Variants in MYO1D observed in about 807,000 individuals in gnomAD.
MYO1D encodes unconventional myosin-Id.
Under a neutral mutation model 122.0 loss-of-function variants are expected in MYO1D, and 83 were observed. That is an observed-to-expected ratio of 0.68 (90% CI 0.57 to 0.82). The LOEUF (loss-of-function observed/expected upper bound fraction) is 0.82. Ranked by LOEUF, MYO1D falls within the 40% of genes least tolerant of loss-of-function variation. The pLI, the probability that MYO1D is intolerant of heterozygous loss-of-function variation, is 0.00. For missense variants in MYO1D, 1,157 were observed against 1,269.5 expected, an observed-to-expected ratio of 0.91 and a Z score of 1.35; for synonymous variants, 464 against 446.9, an observed-to-expected ratio of 1.04 and a Z score of -0.48.
intron 19 of MYO1D, among the ~76,000 whole-genome samples, chr17:32,647,593 CTTGATACTAAAGTGTACTAGATA>C (rs1176174937): frequency 2.0e-5 from 3 of 151,952 alleles, no homozygotes; most frequent in African/African-American, 7.3e-5. Context: ...TTTCCAGCTG[CTTGATACTAAAGTGTACTAGATA>C]GTGAATATGA....
Position 32,778,525 on chromosome 17 carries a change from T to C in MYO1D, c.353A>G (p.Tyr118Cys), listed in dbSNP as rs1357206631. 2 of 1,614,184 alleles carry C rather than the reference T, an allele frequency of 1.2e-6. No homozygotes were observed. Among genetic ancestry groups the C allele is most frequent in the South Asian group, 2.2e-5 (2 of 91,084 alleles). Residue 118 changes from tyrosine (Y) to cysteine (C), a missense_variant, in exon 3 of 22, where the codon TAT (tyrosine) becomes TGT (cysteine). Tyr to Cys is a radical substitution (Grantham distance 194). Transcript: ENST00000318217. ...ACTGGGGTTGGTGATGGCCGCAATA[T>C]ACTGCATAATGTACTTACTGGCTTC... is the stretch of plus-strand genomic sequence containing the variant. ...KTEASKYIMQ[Y>C]IAAITNPSQR... is the part of the protein sequence containing the mutation.
chr17:32,660,566 T>G (rs1424477563), intron 16 of MYO1D, among the ~76,000 whole-genome samples: 1 of 152,218 alleles, frequency 6.6e-6, no homozygotes, highest in African/African-American at 2.4e-5. Flanking sequence ...CAGATTTGTT[T>G]GCACACTACG....
At chr17:32,762,412 C>T (rs577220828) in intron 8 of MYO1D, among the ~76,000 whole-genome samples, 18 of 152,148 alleles carry the variant, frequency 1.2e-4, no homozygotes, top group Non-Finnish European at 2.5e-4. Context: ...CAACACAGTC[C>T]ATTTCAAATC....
chr17:32,602,243 T>A (rs779918272), intron 21 of MYO1D, among the ~76,000 whole-genome samples: 5 of 152,226 alleles, frequency 3.3e-5, no homozygotes, highest in Non-Finnish European at 5.9e-5. Flanking sequence ...TATCTTTGTC[T>A]GTTCTGGGTT....
intron 20 of MYO1D, among the ~76,000 whole-genome samples, chr17:32,637,801 G>A (rs997970869): frequency 2.0e-5 from 3 of 152,114 alleles, no homozygotes; most frequent in Non-Finnish European, 4.4e-5. Flanking sequence ...AGTGAAGACG[G>A]ATCTCCACCC....
At position 32,639,361 on chromosome 17, in the gene MYO1D, TTTTGTGTGTGTGTGTGTGTGTG is replaced by T. The variant is rs1193207566; in HGVS notation, c.2596-548_2596-527del. Among the ~76,000 whole-genome samples the T allele has an allele frequency of 1.1e-4, 7 of 65,728 alleles. No homozygotes were observed. The South Asian group carries it at 2.6e-3, about 24-fold the overall frequency. 43.1% of individuals were successfully genotyped at this position (65,728 alleles called of 152,430 possible). On this transcript the variant is annotated intron_variant, in intron 19 of 21. Transcript: ENST00000318217. The stretch of plus-strand genomic sequence containing the variant: ...AACTAGATTATGAGATTGGGAGAAA[TTTTGTGTGTGTGTGTGTGTGTG>T]TGTGTGTGTGTGTGTGTGTGTGTGT...
intron 19 of MYO1D, among the ~76,000 whole-genome samples, chr17:32,646,452 T>A (rs894830769): frequency 4.0e-5 from 6 of 151,052 alleles, no homozygotes; most frequent in Admixed American, 6.6e-5. Flanking sequence ...TCTGTAAAAA[T>A]ATATATATAT....
intron 1 of MYO1D, among the ~76,000 whole-genome samples, chr17:32,800,265 A>G (rs2090449650): frequency 6.6e-6 from 1 of 152,234 alleles, no homozygotes; most frequent in Non-Finnish European, 1.5e-5. Flanking sequence ...TATTCACAAT[A>G]GCCAAGATAT....
intron 21 of MYO1D, among the ~76,000 whole-genome samples, chr17:32,581,485 T>TCCTC (rs1258001120): frequency 1.9e-4 from 29 of 151,804 alleles, no homozygotes; most frequent in African/African-American, 6.0e-4. Context: ...CTTCCTTCCT[T>TCCTC]CCTCCCTCCC....
intron 3 of MYO1D, among the ~76,000 whole-genome samples, chr17:32,776,493 C>A (rs1290598814): frequency 6.6e-6 from 1 of 152,158 alleles, no homozygotes; most frequent in Non-Finnish European, 1.5e-5. Flanking sequence ...TTTCAGGGAA[C>A]TTTTACATCT....
chr17:32,502,688 G>A (rs1034729246), intron 21 of MYO1D, among the ~76,000 whole-genome samples: 9 of 152,192 alleles, frequency 5.9e-5, no homozygotes, highest in African/African-American at 1.9e-4. Context: ...TTCTTGTGCT[G>A]ATCCTGGAGA....
At chr17:32,547,456 G>A (rs1008038832) in intron 21 of MYO1D, among the ~76,000 whole-genome samples, 30 of 152,190 alleles carry the variant, frequency 2.0e-4, no homozygotes, top group Admixed American at 4.6e-4. Flanking sequence ...TAAATGCCAC[G>A]CTTTTCCATA....
chr17:32,530,707 G>A (rs903724606), intron 21 of MYO1D, among the ~76,000 whole-genome samples: 1 of 152,068 alleles, frequency 6.6e-6, no homozygotes, highest in African/African-American at 2.4e-5. Flanking sequence ...AGGCTGAGGC[G>A]GGAGGATCTT....
intron 21 of MYO1D, chr17:32,505,458 G>A (rs1167715903): frequency 6.6e-6 from 1 of 152,190 alleles, no homozygotes; most frequent in Non-Finnish European, 1.5e-5. Context: ...AGTATGGGAG[G>A]AAGGTCAGGC....
At chr17:32,657,939 T>C (rs1433460575) in intron 17 of MYO1D, among the ~76,000 whole-genome samples, 1 of 152,206 alleles carries the variant, frequency 6.6e-6, no homozygotes, top group East Asian at 1.9e-4. Flanking sequence ...AAGACTTATT[T>C]TTGAGTAAAG....
At chr17:32,836,188 T>A (rs554782474) in intron 1 of MYO1D, among the ~76,000 whole-genome samples, 4 of 152,346 alleles carry the variant, frequency 2.6e-5, no homozygotes, top group African/African-American at 9.6e-5. Flanking sequence ...TATTTCTAGT[T>A]GACAGTAACT....
rs1203910132 is a variant in MYO1D at position 32,876,940 on chromosome 17, G to T, written c.-68C>A. On this transcript the variant is annotated 5_prime_UTR_variant, in exon 1 of 22. Transcript: ENST00000318217. Reference sequence around the variant, plus strand: ...GGGCCGCTCCGTGGGCCCGCGATGAGCTCGGGAGGGGCCGGGGCGAGGCCG... The same window carrying T: ...GGGCCGCTCCGTGGGCCCGCGATGATCTCGGGAGGGGCCGGGGCGAGGCCG... The T allele has an allele frequency of 3.1e-6, 3 of 981,460 alleles. No homozygotes were observed. In the African/African-American group the frequency reaches 5.2e-5, roughly 17 times the overall value. The allele number at this position is 981,460 out of a possible 1,614,324, so 60.8% of individuals were successfully genotyped here.
intron 21 of MYO1D, among the ~76,000 whole-genome samples, chr17:32,549,362 C>G (rs2086991098): frequency 8.0e-6 from 1 of 124,964 alleles, no homozygotes; most frequent in African/African-American, 2.6e-5. Context: ...TCCCAAAGTG[C>G]TGGGATTACA....
At chr17:32,785,956 A>G (rs8074168) in intron 1 of MYO1D, among the ~76,000 whole-genome samples, 82,252 of 152,000 alleles carry the variant, frequency 0.54, 23,280 homozygotes, top group East Asian at 0.72. Context: ...CATCGCCTAC[A>G]ATGAAACAAA....
Sources: allele counts gnomAD v4.1 joint callset (sites outside exome capture counted in the v4.1 genomes callset), GRCh38; gene constraint gnomAD v4.1.1; transcripts MANE v1.5; gene names NCBI Gene and HGNC (gene_info 2026-07-23, HGNC 2026-07-21).